Variants in SLC24A3 observed in about 807,000 individuals in gnomAD.
SLC24A3 encodes sodium/potassium/calcium exchanger 3.
In SLC24A3, 28 loss-of-function variants were observed where a neutral mutation model predicts 75.8. That is an observed-to-expected ratio of 0.37 (90% CI 0.27 to 0.51). SLC24A3 has a LOEUF of 0.51. Ranked by LOEUF, SLC24A3 falls within the 20% of genes least tolerant of loss-of-function variation. The probability of loss-of-function intolerance (pLI) is 0.94; values close to 1 mark genes in which losing one functional copy is unlikely to be tolerated. For missense variants in SLC24A3, 663 were observed against 847.8 expected (o/e 0.78, Z 2.71); for synonymous variants, 372 against 334.1 (o/e 1.11, Z -1.24).
rs138834262 is a variant in SLC24A3, at chr20:19,409,445, G to A, written c.272-106043G>A. Among the ~76,000 whole-genome samples the A allele has an allele frequency of 1.2e-3, 178 of 152,316 alleles. 1 individual carries two copies. Among genetic ancestry groups the A allele is most frequent in the South Asian group, 3.9e-3 (19 of 4,824 alleles). ...AGAGTATGCATGACCTGAGAAGGAG[G>A]AGAATGTTCTGTGCCGGATCAGACA... On this transcript the variant is annotated intron_variant, in intron 2 of 16. Coordinates refer to ENST00000328041, the MANE Select transcript of SLC24A3 (RefSeq NM_020689.4).
chr20:19,236,521 G>T (rs973489439), intron 1 of SLC24A3, among the ~76,000 whole-genome samples: 1 of 152,148 alleles, frequency 6.6e-6, no homozygotes, highest in African/African-American at 2.4e-5. Context: ...GAAGGCTGGG[G>T]TGGGAGGATT....
intron 7 of SLC24A3, among the ~76,000 whole-genome samples, chr20:19,656,098 G>GT (rs1209309766): frequency 6.6e-6 from 1 of 152,200 alleles, no homozygotes; most frequent in African/African-American, 2.4e-5. Flanking sequence ...TTATTTTATT[G>GT]TAAGTCTTTA....
chr20:19,468,057 A>C (rs1174486038), intron 2 of SLC24A3, among the ~76,000 whole-genome samples: 2 of 152,132 alleles, frequency 1.3e-5, no homozygotes, highest in East Asian at 3.9e-4. Context: ...GATGTTCAGC[A>C]CCATGGAGCA....
intron 1 of SLC24A3, among the ~76,000 whole-genome samples, chr20:19,268,260 G>A (rs745898172): frequency 6.6e-5 from 10 of 152,036 alleles, no homozygotes; most frequent in Non-Finnish European, 1.3e-4. Context: ...AAGTGCACTC[G>A]GTGCAGGTGC....
At chr20:19,319,630 A>G (rs1984662733) in intron 2 of SLC24A3, among the ~76,000 whole-genome samples, 1 of 152,224 alleles carries the variant, frequency 6.6e-6, no homozygotes, top group Non-Finnish European at 1.5e-5. Flanking sequence ...AATACTCAAC[A>G]GTGACAGAGT....
chr20:19,479,184 A>T (rs1312942336), intron 2 of SLC24A3, among the ~76,000 whole-genome samples: 1 of 152,216 alleles, frequency 6.6e-6, no homozygotes, highest in East Asian at 1.9e-4. Context: ...TTTCATGGCT[A>T]ACACACCTCC....
intron 1 of SLC24A3, among the ~76,000 whole-genome samples, chr20:19,271,461 A>G (rs982834027): frequency 4.6e-5 from 7 of 152,250 alleles, no homozygotes; most frequent in Admixed American, 2.6e-4. Context: ...TAGAACTACC[A>G]TTTGATCCAG....
chr20:19,701,105 G>T (rs1414338725), intron 15 of SLC24A3, among the ~76,000 whole-genome samples: 1 of 152,178 alleles, frequency 6.6e-6, no homozygotes, highest in Non-Finnish European at 1.5e-5. Flanking sequence ...GAAGCCCCAT[G>T]AGGGCTGACA....
intron 2 of SLC24A3, among the ~76,000 whole-genome samples, chr20:19,306,114 T>C (rs549868382): frequency 5.3e-5 from 8 of 152,216 alleles, no homozygotes; most frequent in South Asian, 2.1e-4. Flanking sequence ...CCAACAAATA[T>C]ATGAAAAAGT....
intron 2 of SLC24A3, among the ~76,000 whole-genome samples, chr20:19,499,291 G>A (rs1283521852): frequency 6.6e-6 from 1 of 152,272 alleles, no homozygotes; most frequent in East Asian, 1.9e-4. Flanking sequence ...CATACTGGGT[G>A]GGTTTATAAA....
intron 2 of SLC24A3, among the ~76,000 whole-genome samples, chr20:19,457,632 C>A (rs528201219): frequency 6.6e-6 from 1 of 152,256 alleles, no homozygotes; most frequent in Non-Finnish European, 1.5e-5. Context: ...AAAACTGGAT[C>A]TCTGGGCTGT....
At chr20:19,328,124 A>G (rs1391698676) in intron 2 of SLC24A3, among the ~76,000 whole-genome samples, 1 of 152,110 alleles carries the variant, frequency 6.6e-6, no homozygotes, top group Non-Finnish European at 1.5e-5. Context: ...GAGGAAGAGC[A>G]TCCAGGCAGA....
At chr20:19,629,415 A>T (rs2031907840) in intron 6 of SLC24A3, among the ~76,000 whole-genome samples, 1 of 152,210 alleles carries the variant, frequency 6.6e-6, no homozygotes, top group Non-Finnish European at 1.5e-5. Context: ...GACATATAGG[A>T]TACGATCAAG....
intron 2 of SLC24A3, among the ~76,000 whole-genome samples, chr20:19,285,496 A>G (rs998091135): frequency 3.3e-5 from 5 of 150,058 alleles, no homozygotes; most frequent in African/African-American, 1.2e-4. Context: ...AAAAAAAAAA[A>G]AAAAAAGGCA....
At chr20:19,640,138 C>A (rs1453615700) in intron 6 of SLC24A3, among the ~76,000 whole-genome samples, 3 of 152,240 alleles carry the variant, frequency 2.0e-5, no homozygotes, top group East Asian at 1.9e-4. Context: ...GGAGCCCAGG[C>A]AGAGGAGGCG....
chr20:19,237,489 C>G (rs1312205157), intron 1 of SLC24A3, among the ~76,000 whole-genome samples: 1 of 152,136 alleles, frequency 6.6e-6, no homozygotes, highest in Non-Finnish European at 1.5e-5. Context: ...GGCACCTGTT[C>G]CCGTCATGTG....
intron 8 of SLC24A3, among the ~76,000 whole-genome samples, chr20:19,673,395 CT>C (rs1189499330): frequency 2.0e-5 from 3 of 152,180 alleles, no homozygotes; most frequent in Non-Finnish European, 4.4e-5. Context: ...GGCATTTTCC[CT>C]TTAGGTGAGG....
intron 1 of SLC24A3, among the ~76,000 whole-genome samples, chr20:19,252,000 G>T (rs1224553586): frequency 6.6e-6 from 1 of 151,972 alleles, no homozygotes; most frequent in African/African-American, 2.4e-5. Context: ...CCACCTAATG[G>T]GATGTATAGA....
intron 1 of SLC24A3, 54 bp downstream of exon 1, chr20:19,213,038 C>T (rs6106031): frequency 0.34 from 402,847 of 1,173,338 alleles, 76,039 homozygotes; most frequent in East Asian, 0.88. Flanking sequence ...CGGCTCGGGG[C>T]TCCCGGGGCT....
Sources: allele counts gnomAD v4.1 joint callset (sites outside exome capture counted in the v4.1 genomes callset), GRCh38; gene constraint gnomAD v4.1.1; transcripts MANE v1.5; gene names NCBI Gene and HGNC (gene_info 2026-07-23, HGNC 2026-07-21).